Variants in PMEPA1 observed in about 807,000 individuals in gnomAD.
The protein encoded by PMEPA1 is protein TMEPAI.
In PMEPA1, 11 loss-of-function variants were observed where a neutral mutation model predicts 23.0. The observed-to-expected ratio is 0.48, with a 90% confidence interval of 0.30 to 0.79. The LOEUF (loss-of-function observed/expected upper bound fraction) is 0.79. Ranked by LOEUF, PMEPA1 falls within the 30% of genes least tolerant of loss-of-function variation. The pLI is 0.06. For missense variants in PMEPA1, 377 were observed against 390.9 expected (o/e 0.96, Z 0.30); for synonymous variants, 204 against 166.4 (o/e 1.23, Z -1.74).
chr20:57,706,994 C>T (rs6015063), intron 1 of PMEPA1, among the ~76,000 whole-genome samples: 12,334 of 152,152 alleles, frequency 0.081, 1,155 homozygotes, highest in African/African-American at 0.23. Flanking sequence ...TCCATCACGG[C>T]CTCATTCTTC....
At chr20:57,691,718 G>A (rs1456950912) in intron 1 of PMEPA1, 1 of 152,332 alleles carries the variant, frequency 6.6e-6, no homozygotes, top group African/African-American at 2.4e-5. Context: ...CCCTCTCAGA[G>A]GAAGAAGCTG....
At chr20:57,705,069 A>C (rs2072060624) in intron 1 of PMEPA1, among the ~76,000 whole-genome samples, 1 of 152,134 alleles carries the variant, frequency 6.6e-6, no homozygotes, top group Non-Finnish European at 1.5e-5. Context: ...TCCCAACCCA[A>C]AGAGAAGAGG....
chr20:57,665,367 G>A (rs979484040), intron 1 of PMEPA1, among the ~76,000 whole-genome samples: 2 of 152,068 alleles, frequency 1.3e-5, no homozygotes, highest in Non-Finnish European at 2.9e-5. Flanking sequence ...TTCCTAGCTC[G>A]CCCACGGCGT....
chr20:57,690,918 T>TA (rs2071873882), intron 1 of PMEPA1, among the ~76,000 whole-genome samples: 1 of 152,152 alleles, frequency 6.6e-6, no homozygotes, highest in Non-Finnish European at 1.5e-5. Flanking sequence ...CTGCGCCTGA[T>TA]AAACGCTGAT....
intron 1 of PMEPA1, among the ~76,000 whole-genome samples, chr20:57,698,110 C>A (rs946114767): frequency 1.3e-5 from 2 of 152,106 alleles, no homozygotes; most frequent in African/African-American, 4.8e-5. Context: ...TGGGGGCATC[C>A]CTCCCGTGTC....
rs369960948 is a variant in PMEPA1, at chr20:57,675,789, C to T, written c.110-16092G>A. Among the ~76,000 whole-genome samples the T allele has an allele frequency of 2.0e-4, 31 of 152,280 alleles. No homozygotes were observed. In the South Asian group the frequency reaches 2.9e-3, roughly 14 times the overall value. On this transcript the variant is annotated intron_variant, in intron 1 of 3. Coordinates refer to ENST00000341744, the MANE Select transcript of PMEPA1 (RefSeq NM_020182.5). The stretch of plus-strand genomic sequence containing the variant: ...TGATTGTTTGGGGGTGTGTCCTTTC[C>T]TCTGGGGCATCTGTCTGTCTGTCTG...
chr20:57,673,606 T>C (rs1002695373), intron 1 of PMEPA1, among the ~76,000 whole-genome samples: 3 of 152,178 alleles, frequency 2.0e-5, no homozygotes, highest in Non-Finnish European at 4.4e-5. Context: ...TCCTGCATAG[T>C]AGTAGTAACT....
chr20:57,673,425 G>A (rs948364509), intron 1 of PMEPA1, among the ~76,000 whole-genome samples: 4 of 152,122 alleles, frequency 2.6e-5, no homozygotes, highest in African/African-American at 7.2e-5. Context: ...GCCTTTCCTC[G>A]GTCTATGTCT....
Position 57,651,999 on chromosome 20 carries a change from C to G in PMEPA1, c.*54G>C. 1 of 1,402,044 alleles carries G rather than the reference C, an allele frequency of 7.1e-7. No homozygotes were observed. Among genetic ancestry groups the G allele is most frequent in the Non-Finnish European group, 9.5e-7 (1 of 1,056,438 alleles). The allele number at this position is 1,402,044 out of a possible 1,614,324, so 86.9% of individuals were successfully genotyped here. A position where few individuals can be genotyped will look rare whatever the true frequency, so the allele number is the denominator to read the frequency against. ...CCTCTCACTCCTCTTCTAAGAAGCG[C>G]GGAGTGTTCTGCCTTTTCACCTACG... On this transcript the variant is annotated 3_prime_UTR_variant, in exon 4 of 4. Coordinates refer to ENST00000341744, the MANE Select transcript of PMEPA1 (RefSeq NM_020182.5).
intron 1 of PMEPA1, among the ~76,000 whole-genome samples, chr20:57,669,004 C>T (rs1485719091): frequency 2.0e-5 from 3 of 152,154 alleles, no homozygotes; most frequent in Non-Finnish European, 4.4e-5. Flanking sequence ...ATATGACCCA[C>T]CCAACACTGC....
intron 1 of PMEPA1, among the ~76,000 whole-genome samples, chr20:57,698,947 C>G (rs1012364069): frequency 3.3e-5 from 5 of 152,178 alleles, no homozygotes; most frequent in Non-Finnish European, 5.9e-5. Context: ...TGACCACAAC[C>G]AAACTCTCAC....
chr20:57,676,884 C>A (rs1258751846), intron 1 of PMEPA1, among the ~76,000 whole-genome samples: 2 of 152,334 alleles, frequency 1.3e-5, no homozygotes, highest in Admixed American at 1.3e-4. Context: ...ACACACCCCC[C>A]GTCTATTCTC....
At position 57,656,868 on chromosome 20, in the gene PMEPA1, G is replaced by A. The variant is rs2071333883; in HGVS notation, c.264+2675C>T. Among the ~76,000 whole-genome samples, 2 of 152,210 alleles carry A rather than the reference G, an allele frequency of 1.3e-5. No individual in the cohort carries two copies. Among genetic ancestry groups the A allele is most frequent in the South Asian group, 2.1e-4 (1 of 4,836 alleles). Reference sequence around the variant, plus strand: ...GGCTGGGGGGATGTAGACTGGGCCCGGGACAGATAAGAGCTGTATGTGGAT... The same window carrying A: ...GGCTGGGGGGATGTAGACTGGGCCCAGGACAGATAAGAGCTGTATGTGGAT... On this transcript the variant is annotated intron_variant, in intron 2 of 3. Coordinates refer to ENST00000341744, the MANE Select transcript of PMEPA1 (RefSeq NM_020182.5). The surrounding 1 kb of genome is among the most constrained non-coding windows in gnomAD (Gnocchi z 4.7).
intron 1 of PMEPA1, among the ~76,000 whole-genome samples, chr20:57,686,345 G>A (rs1373327948): frequency 6.6e-6 from 1 of 152,128 alleles, no homozygotes; most frequent in Non-Finnish European, 1.5e-5. Context: ...TCCTTTCCAT[G>A]CCTGCCCTGC....
intron 1 of PMEPA1, among the ~76,000 whole-genome samples, chr20:57,668,877 T>C (rs2071529348): frequency 6.6e-6 from 1 of 152,244 alleles, no homozygotes; most frequent in Non-Finnish European, 1.5e-5. Context: ...TTCATTGCCT[T>C]GATCCCGGCC....
chr20:57,648,708 T>C lies in PMEPA1; in HGVS notation c.*3345A>G, dbSNP rs992392073. The C allele has an allele frequency of 2.3e-4, 35 of 152,228 alleles. No homozygotes were observed. Among genetic ancestry groups the C allele is most frequent in the African/African-American group, 8.2e-4 (34 of 41,442 alleles). The allele number at this position is 152,228 out of a possible 1,614,324, so 9.4% of individuals were successfully genotyped here. A position where few individuals can be genotyped will look rare whatever the true frequency, so the allele number is the denominator to read the frequency against. On this transcript the variant is annotated 3_prime_UTR_variant, in exon 4 of 4. Transcript: ENST00000341744. ...CAGGCAGGCAGGGGAGGACGGGCTG[T>C]GTCCTTCTGAGCTCTATAGTACAGC... is the stretch of plus-strand genomic sequence containing the variant.
At position 57,652,744 on chromosome 20, in the gene PMEPA1, A is replaced by G; in HGVS notation, c.319-146T>C. ...GCAGGGCTGGCGGGGGCGGGAGCCC[A>G]GAGCCTGATCCCGCGGGGGCCCTGG... is the stretch of plus-strand genomic sequence containing the variant. On this transcript the variant is annotated intron_variant, in intron 3 of 3. Coordinates refer to ENST00000341744, the MANE Select transcript of PMEPA1 (RefSeq NM_020182.5). The surrounding 1 kb of genome is among the most constrained non-coding windows in gnomAD (Gnocchi z 6.1). 1.3e-6 allele frequency: 1 copy of G among 792,556 alleles called. No homozygotes were observed. The highest frequency in any genetic ancestry group is 1.9e-6 in the Non-Finnish European group (1 of 513,060). 49.1% of individuals were successfully genotyped at this position (792,556 alleles called of 1,614,324 possible). A position where few individuals can be genotyped will look rare whatever the true frequency, so the allele number is the denominator to read the frequency against.
intron 1 of PMEPA1, among the ~76,000 whole-genome samples, chr20:57,686,388 C>T (rs2071801436): frequency 6.6e-6 from 1 of 152,330 alleles, no homozygotes; most frequent in South Asian, 2.1e-4. Flanking sequence ...CTGGTCTGCT[C>T]TCCTTCCTCT....
At chr20:57,710,288 C>G, upstream of PMEPA1, 4 of 687,754 alleles carry the variant, frequency 5.8e-6, no homozygotes, top group Non-Finnish European at 8.9e-6. Context: ...GAGCCGAACT[C>G]GGTGCCAGCC....
Sources: gnomAD v4.1 joint callset for allele counts (sites outside exome capture counted in the v4.1 genomes callset) on GRCh38, gnomAD v4.1.1 for gene constraint, Gnocchi (gnomAD v3.1) non-coding constraint, MANE v1.5 for transcripts, NCBI Gene and HGNC (gene_info 2026-07-23, HGNC 2026-07-21) for gene names.